SEPTIN10: variants seen among roughly 807,000 people sequenced by gnomAD.
The protein encoded by SEPTIN10 is septin-10.
SEPTIN10 carries 66 observed loss-of-function variants against 54.8 expected under a neutral mutation model. The observed-to-expected ratio is 1.21, with a 90% CI of 0.99 to 1.48. The LOEUF (loss-of-function observed/expected upper bound fraction) is 1.48, where lower values mean the gene tolerates loss of function less well. Ranked by LOEUF, SEPTIN10 falls within the 40% of genes most tolerant of loss-of-function variation. SEPTIN10 has a pLI of 0.00. For synonymous variants in SEPTIN10, 161 were observed against 181.0 expected, an observed-to-expected ratio of 0.89 and a Z score of 0.89; for missense variants, 620 against 545.6, an observed-to-expected ratio of 1.14 and a Z score of -1.36.
At chr2:109,546,603 T>C (rs1286018102) in intron 9 of SEPTIN10, among the ~76,000 whole-genome samples, 6 of 151,924 alleles carry the variant, frequency 3.9e-5, no homozygotes, top group African/African-American at 1.5e-4. Context: ...AGAAAGAAAT[T>C]ACCAGAAAGG....
chr2:109,581,231 G>A (rs1691035566), intron 4 of SEPTIN10, among the ~76,000 whole-genome samples: 1 of 152,140 alleles, frequency 6.6e-6, no homozygotes, highest in African/African-American at 2.4e-5. Flanking sequence ...CCTGAGGTCA[G>A]GAGTTCAACA....
chr2:109,570,037 A>C (rs1010622362), intron 5 of SEPTIN10, among the ~76,000 whole-genome samples: 3 of 152,028 alleles, frequency 2.0e-5, no homozygotes, highest in Non-Finnish European at 2.9e-5. Flanking sequence ...CAAAAAAAAA[A>C]CCTGTGTATT....
At chr2:109,575,960 A>G (rs1247245865) in intron 4 of SEPTIN10, among the ~76,000 whole-genome samples, 1 of 152,180 alleles carries the variant, frequency 6.6e-6, no homozygotes, top group Non-Finnish European at 1.5e-5. Context: ...TGTATTTTCC[A>G]CCAGAACTAG....
chr2:109,552,329 C>T (rs1030684335), intron 9 of SEPTIN10, among the ~76,000 whole-genome samples: 2 of 152,162 alleles, frequency 1.3e-5, no homozygotes, highest in African/African-American at 4.8e-5. Context: ...TACTTCACAG[C>T]CTTCACAGAT....
intron 9 of SEPTIN10, among the ~76,000 whole-genome samples, chr2:109,547,595 T>C (rs1429134511): frequency 1.3e-5 from 2 of 152,172 alleles, no homozygotes; most frequent in African/African-American, 4.8e-5. Flanking sequence ...AATGTCACCT[T>C]AGATGTCAAT....
chr2:109,576,009 T>C (rs1304869436), intron 4 of SEPTIN10, among the ~76,000 whole-genome samples: 2 of 152,104 alleles, frequency 1.3e-5, no homozygotes, highest in Admixed American at 6.5e-5. Flanking sequence ...GTAATCCTAG[T>C]TGTTTGGGAG....
chr2:109,566,281 C>T (rs1486817490), intron 6 of SEPTIN10, among the ~76,000 whole-genome samples: 1 of 151,906 alleles, frequency 6.6e-6, no homozygotes, highest in Non-Finnish European at 1.5e-5. Context: ...CCACAACATC[C>T]AGCTAATTTT....
At chr2:109,591,371 T>G (rs1305304877) in intron 2 of SEPTIN10, among the ~76,000 whole-genome samples, 3 of 152,108 alleles carry the variant, frequency 2.0e-5, no homozygotes, top group Non-Finnish European at 4.4e-5. Flanking sequence ...GTCCCCATGA[T>G]GTAACACAAA....
Position 109,574,714 on chromosome 2 carries a change from T to G in SEPTIN10, c.467A>C (p.Glu156Ala). 1 of 1,605,752 alleles carries G rather than the reference T, an allele frequency of 6.2e-7. No individual in the cohort carries two copies. The highest frequency in any genetic ancestry group is 8.5e-7 in the Non-Finnish European group (1 of 1,176,084). Reference sequence around the variant, plus strand: ...GAGAGAACGCTTAATCTTCAGTTCTTCTTGGAGATAGGCCTCAAACTGAGC... The same window carrying G: ...GAGAGAACGCTTAATCTTCAGTTCTGCTTGGAGATAGGCCTCAAACTGAGC... ...IDAQFEAYLQ[E>A]ELKIKRSLFT... Residue 156 changes from glutamate (E) to alanine (A), a missense_variant, in exon 5 of 11, where the codon GAA (glutamate) becomes GCA (alanine). Transcript: ENST00000397712.
intron 9 of SEPTIN10, among the ~76,000 whole-genome samples, chr2:109,548,622 A>G (rs1681963972): frequency 6.6e-6 from 1 of 152,066 alleles, no homozygotes; most frequent in African/African-American, 2.4e-5. Context: ...CTAAAATACA[A>G]AAAATTAACC....
rs763454743 is a variant in SEPTIN10 at position 109,544,319 on chromosome 2, T to C, written c.1355A>G (p.Asn452Ser). The change falls in exon 11 of 11, where the codon AAT (asparagine) becomes AGT (serine). Residue 452 changes from asparagine (N) to serine (S), a missense_variant. Asn to Ser is a conservative substitution (Grantham distance 46). Coordinates refer to ENST00000397712, the MANE Select transcript of SEPTIN10 (RefSeq NM_144710.5). The stretch of plus-strand genomic sequence containing the variant: ...TCTGGAACTTCTGTTTTACAAAAAA[T>C]TGGAGCTGGAAAGAAAAAGAACCTT... ...LRKDKDRKNS[N>S]FL The C allele has an allele frequency of 6.3e-6, 10 of 1,588,486 alleles. No homozygotes were observed. The highest frequency in any genetic ancestry group is 3.8e-5 in the Admixed American group (2 of 52,154).
At chr2:109,595,535 G>A (rs1031784239) in intron 1 of SEPTIN10, among the ~76,000 whole-genome samples, 3 of 152,130 alleles carry the variant, frequency 2.0e-5, no homozygotes, top group Non-Finnish European at 2.9e-5. Flanking sequence ...AACAAACAGT[G>A]GTGGTTACAG....
chr2:109,594,382 C>T (rs75796648), intron 1 of SEPTIN10, among the ~76,000 whole-genome samples: 28,887 of 152,188 alleles, frequency 0.19, 3,496 homozygotes, highest in Non-Finnish European at 0.27. Context: ...CAGACCCTTA[C>T]GCATCCTTCC....
At chr2:109,588,144 T>C (rs1365386222) in intron 2 of SEPTIN10, among the ~76,000 whole-genome samples, 2 of 148,308 alleles carry the variant, frequency 1.3e-5, no homozygotes, top group Non-Finnish European at 3.0e-5. Flanking sequence ...CTACAGCCAA[T>C]GAAAACATCC....
chr2:109,589,736 C>CAA (rs139110785), intron 2 of SEPTIN10, among the ~76,000 whole-genome samples: 35 of 151,082 alleles, frequency 2.3e-4, no homozygotes, highest in Admixed American at 1.5e-3. Context: ...ATTATATAGC[C>CAA]AAAAAAAACC....
intron 10 of SEPTIN10, chr2:109,545,303 G>A: frequency 6.9e-7 from 1 of 1,444,924 alleles, no homozygotes; most frequent in Non-Finnish European, 9.1e-7. Context: ...TAAAACAAGG[G>A]ACACAAAGTA....
chr2:109,599,862 T>G (rs190306453), intron 1 of SEPTIN10, among the ~76,000 whole-genome samples: 170 of 152,330 alleles, frequency 1.1e-3, no homozygotes, highest in African/African-American at 3.8e-3. Context: ...AAATATCATT[T>G]CTAATTTGTG....
intron 8 of SEPTIN10, among the ~76,000 whole-genome samples, chr2:109,562,207 T>C (rs1685812586): frequency 6.7e-6 from 1 of 149,968 alleles, no homozygotes; most frequent in Non-Finnish European, 1.5e-5. Context: ...AGTGAGACTC[T>C]ATCTCAAAAA....
Position 109,585,733 on chromosome 2 carries a change from T to C in SEPTIN10, c.205A>G (p.Ile69Val). Residue 69 changes from isoleucine to valine, a missense_variant, in exon 3 of 11, where the codon ATT (isoleucine) becomes GTT (valine). Transcript: ENST00000397712. ...AGGTGGCACGTACCCACACAGAGAA[T>C]ATTAAAGCAGAAACCTTGCTGAATG... ...RSIQQGFCFN[I>V]LCVGETGIGK... 6.2e-7 allele frequency: 1 copy of C among 1,612,002 alleles called. No homozygotes were observed. The highest frequency in any genetic ancestry group is 1.1e-5 in the South Asian group (1 of 91,008).
Sources: allele counts gnomAD v4.1 joint callset (sites outside exome capture counted in the v4.1 genomes callset), GRCh38; gene constraint gnomAD v4.1.1; transcripts MANE v1.5; gene names NCBI Gene and HGNC (gene_info 2026-07-23, HGNC 2026-07-21).